ZNF385D: variants seen among roughly 807,000 people sequenced by gnomAD.
ZNF385D encodes zinc finger protein 659.
ZNF385D carries 15 observed loss-of-function variants against 35.8 expected under a neutral mutation model. That is an observed-to-expected ratio of 0.42 (90% CI 0.28 to 0.64). The LOEUF is 0.64. Among genes scored for constraint, ZNF385D ranks in the 30% least tolerant of loss-of-function variants. The pLI is 0.23. For missense variants in ZNF385D, 474 were observed against 494.6 expected (o/e 0.96, Z 0.39); for synonymous variants, 212 against 186.8 (o/e 1.13, Z -1.10).
At chr3:22,135,133 C>T (rs1050434042) in intron 3 of ZNF385D, among the ~76,000 whole-genome samples, 6 of 152,084 alleles carry the variant, frequency 3.9e-5, no homozygotes, top group African/African-American at 1.4e-4. Context: ...ACTGCAAATC[C>T]TAGTCAGTAT....
At chr3:21,528,394 G>T (rs2061833453) in intron 3 of ZNF385D, among the ~76,000 whole-genome samples, 2 of 152,284 alleles carry the variant, frequency 1.3e-5, no homozygotes, top group Middle Eastern at 6.8e-3. Context: ...CTACTTGACT[G>T]AGTGATAGAA....
chr3:22,329,750 GAAGAAGTACA>G (rs551397773), intron 2 of ZNF385D, among the ~76,000 whole-genome samples: 106 of 152,210 alleles, frequency 7.0e-4, no homozygotes, highest in African/African-American at 2.2e-3. Flanking sequence ...GCAGCCACAG[GAAGAAGTACA>G]AAGAAACAGG....
intron 2 of ZNF385D, among the ~76,000 whole-genome samples, chr3:21,608,012 C>CTTTTTTTTTTTG (rs368555930): frequency 3.2e-5 from 4 of 123,974 alleles, no homozygotes; most frequent in Non-Finnish European, 3.3e-5. Flanking sequence ...TCTTTTTCTT[C>CTTTTTTTTTTTG]TTTTTTTTTT....
intron 3 of ZNF385D, among the ~76,000 whole-genome samples, chr3:22,048,847 T>C (rs185024583): frequency 2.4e-4 from 36 of 152,326 alleles, no homozygotes; most frequent in Admixed American, 8.5e-4. Context: ...GTACGGACAA[T>C]AATAATTATT....
chr3:22,356,672 A>T (rs917391578), intron 2 of ZNF385D, among the ~76,000 whole-genome samples: 2 of 152,000 alleles, frequency 1.3e-5, no homozygotes, highest in Middle Eastern at 3.2e-3. Context: ...TTATGACTTA[A>T]TTCCTTAAGA....
chr3:21,858,992 G>A (rs1696889017), intron 3 of ZNF385D, among the ~76,000 whole-genome samples: 1 of 152,066 alleles, frequency 6.6e-6, no homozygotes, highest in African/African-American at 2.4e-5. Context: ...ATATCATGAA[G>A]CTAGAATAGC....
chr3:21,801,575 T>A (rs1323512969), intron 3 of ZNF385D, among the ~76,000 whole-genome samples: 1 of 152,154 alleles, frequency 6.6e-6, no homozygotes, highest in Non-Finnish European at 1.5e-5. Flanking sequence ...GTTACCTTTT[T>A]CTCTCTGGCC....
At chr3:22,136,385 C>A (rs1182977168) in intron 3 of ZNF385D, among the ~76,000 whole-genome samples, 1 of 74,002 alleles carries the variant, frequency 1.4e-5, no homozygotes. Flanking sequence ...GAGACTTTGT[C>A]TAAAAAAAAA....
At chr3:22,264,857 C>A (rs1325083136) in intron 2 of ZNF385D, among the ~76,000 whole-genome samples, 3 of 132,656 alleles carry the variant, frequency 2.3e-5, no homozygotes, top group Non-Finnish European at 3.5e-5. Context: ...AAATTCCATT[C>A]TCCCTCTTAG....
chr3:21,424,961 T>C (rs1436939035), intron 6 of ZNF385D, among the ~76,000 whole-genome samples: 7 of 152,200 alleles, frequency 4.6e-5, no homozygotes. Flanking sequence ...TTTGGAAGAC[T>C]ATTCATAGTA....
chr3:21,850,461 G>T, intron 3 of ZNF385D, among the ~76,000 whole-genome samples: 1 of 152,066 alleles, frequency 6.6e-6, no homozygotes, highest in Admixed American at 6.6e-5. Context: ...AGATTGACAT[G>T]AAGTAGCCTG....
intron 1 of ZNF385D, among the ~76,000 whole-genome samples, chr3:21,745,112 C>T (rs1423169392): frequency 6.6e-6 from 1 of 152,144 alleles, no homozygotes; most frequent in Non-Finnish European, 1.5e-5. Context: ...TCTCAGCCTA[C>T]CAACCCCATT....
chr3:21,959,207 G>T (rs988572908), intron 3 of ZNF385D, among the ~76,000 whole-genome samples: 1 of 152,122 alleles, frequency 6.6e-6, no homozygotes, highest in Non-Finnish European at 1.5e-5. Context: ...CTTGGTTAGA[G>T]ATCTATTTAA....
chr3:22,073,118 A>T (rs370039186), intron 3 of ZNF385D, among the ~76,000 whole-genome samples: 1 of 152,042 alleles, frequency 6.6e-6, no homozygotes, highest in Non-Finnish European at 1.5e-5. Context: ...GCAGTCCTGG[A>T]AAGGCTGAAG....
rs557566107 is a variant in ZNF385D at position 22,258,171 on chromosome 3, G to T, written c.107-89136C>A. On this transcript the variant is annotated intron_variant, in intron 2 of 5. Coordinates refer to the ZNF385D transcript ENST00000494108. ...GATTCCACTTTTAGTCTGTTTAGGG[G>T]AAATTTTGCCCCCAAAAAGTTAATT... Among the ~76,000 whole-genome samples the T allele has an allele frequency of 1.2e-3, 182 of 151,806 alleles. 1 individual carries two copies. The Middle Eastern group carries it at 0.014, about 11-fold the overall frequency.
chr3:22,294,511 T>C (rs1012546998), intron 2 of ZNF385D, among the ~76,000 whole-genome samples: 3 of 152,116 alleles, frequency 2.0e-5, no homozygotes, highest in African/African-American at 7.2e-5. Context: ...TTAGGGAATG[T>C]TTTTTATTTC....
At chr3:22,060,063 C>T (rs1699612848) in intron 3 of ZNF385D, among the ~76,000 whole-genome samples, 1 of 152,130 alleles carries the variant, frequency 6.6e-6, no homozygotes, top group Non-Finnish European at 1.5e-5. Flanking sequence ...CTTCAAATTC[C>T]AGGATTTATA....
At chr3:22,110,495 G>A (rs1317250584) in intron 3 of ZNF385D, among the ~76,000 whole-genome samples, 1 of 152,048 alleles carries the variant, frequency 6.6e-6, no homozygotes, top group Non-Finnish European at 1.5e-5. Context: ...GTAGGGACAC[G>A]GACGAAGCTG....
chr3:21,976,648 T>C (rs1470227872), intron 3 of ZNF385D, among the ~76,000 whole-genome samples: 1 of 152,206 alleles, frequency 6.6e-6, no homozygotes, highest in Non-Finnish European at 1.5e-5. Flanking sequence ...ACTCCAGAAT[T>C]GGTAAATATA....
Sources: allele counts gnomAD v4.1 joint callset (sites outside exome capture counted in the v4.1 genomes callset), GRCh38; gene constraint gnomAD v4.1.1; transcripts MANE v1.5; gene names NCBI Gene and HGNC (gene_info 2026-07-23, HGNC 2026-07-21).